Variants in PRKG1 observed in about 807,000 individuals in gnomAD.
The protein encoded by PRKG1 is cGMP-dependent protein kinase 1.
PRKG1 carries 35 observed loss-of-function variants against 88.1 expected under a neutral mutation model. The ratio of observed to expected loss-of-function variants is 0.40; its 90% CI spans 0.30 to 0.53. The LOEUF is 0.53. Ranked by LOEUF, PRKG1 falls within the 20% of genes least tolerant of loss-of-function variation. The pLI, the probability that PRKG1 is intolerant of heterozygous loss-of-function variation, is 0.59. For synonymous variants in PRKG1, 303 were observed against 292.5 expected (o/e 1.04, Z -0.37); for missense variants, 540 against 839.8 (o/e 0.64, Z 4.41).
chr10:52,171,162 G>A (rs61847298), intron 9 of PRKG1, among the ~76,000 whole-genome samples: 7,630 of 141,672 alleles, frequency 0.054, 443 homozygotes, highest in East Asian at 0.31. Context: ...TTTTTTGCCT[G>A]ACATTTTCAA....
At chr10:51,430,923 C>T (rs1228682044) in intron 2 of PRKG1, among the ~76,000 whole-genome samples, 3 of 152,134 alleles carry the variant, frequency 2.0e-5, no homozygotes, top group Non-Finnish European at 4.4e-5. Flanking sequence ...ATGGTTGCCT[C>T]GGGCAGAGAA....
At chr10:51,620,085 C>A (rs564289584) in intron 3 of PRKG1, among the ~76,000 whole-genome samples, 2 of 152,138 alleles carry the variant, frequency 1.3e-5, no homozygotes, top group Admixed American at 1.3e-4. Flanking sequence ...CTGTTTTCCC[C>A]CTTACACCTC....
intron 1 of PRKG1, among the ~76,000 whole-genome samples, chr10:51,025,386 C>G (rs1357278051): frequency 2.0e-5 from 3 of 152,152 alleles, no homozygotes; most frequent in Admixed American, 6.6e-5. Flanking sequence ...CTGAATTTAA[C>G]TGGCTGGTCC....
At chr10:52,101,609 T>C (rs557202995) in intron 7 of PRKG1, among the ~76,000 whole-genome samples, 5 of 152,200 alleles carry the variant, frequency 3.3e-5, no homozygotes, top group Non-Finnish European at 7.4e-5. Context: ...CTTATCTAAA[T>C]AATTCATGTG....
intron 2 of PRKG1, among the ~76,000 whole-genome samples, chr10:51,401,820 T>C (rs1047787208): frequency 2.0e-5 from 3 of 152,218 alleles, no homozygotes; most frequent in African/African-American, 7.2e-5. Context: ...CTCTAGGTTT[T>C]CTTTCTATAT....
chr10:51,895,497 G>A (rs1018041750), intron 4 of PRKG1, among the ~76,000 whole-genome samples: 3 of 152,120 alleles, frequency 2.0e-5, no homozygotes, highest in Non-Finnish European at 4.4e-5. Context: ...CCATGTCTGA[G>A]CATTGGCCAA....
At chr10:51,056,601 A>G (rs529629496) in intron 1 of PRKG1, among the ~76,000 whole-genome samples, 1 of 152,236 alleles carries the variant, frequency 6.6e-6, no homozygotes, top group African/African-American at 2.4e-5. Context: ...TCAGTATCCA[A>G]TTCATTTGAC....
At chr10:51,037,330 A>G (rs1843364846) in intron 1 of PRKG1, among the ~76,000 whole-genome samples, 1 of 151,896 alleles carries the variant, frequency 6.6e-6, no homozygotes, top group Admixed American at 6.6e-5. Context: ...TTAGTATGGC[A>G]TCCTTGGGCA....
chr10:51,888,718 T>C (rs913011492), intron 4 of PRKG1, among the ~76,000 whole-genome samples: 16 of 152,340 alleles, frequency 1.1e-4, no homozygotes, highest in African/African-American at 3.6e-4. Context: ...GTCCAGGTTT[T>C]GCCACTTAGA....
rs914407926 is a variant in PRKG1 at position 51,746,823 on chromosome 10, T to C, written c.593-57762T>C. On this transcript the variant is annotated intron_variant, in intron 3 of 17. Transcript: ENST00000373980. ...CTCCATCATGAAAGGGGCCAGCACA[T>C]TGGCAGTCATTCCTCTTCCTCTCTC... Among the ~76,000 whole-genome samples, 4 of 151,816 alleles carry C rather than the reference T, an allele frequency of 2.6e-5. No individual in the cohort carries two copies. In the East Asian group the frequency reaches 5.8e-4, roughly 22 times the overall value.
intron 3 of PRKG1, among the ~76,000 whole-genome samples, chr10:51,531,992 T>A (rs1842030717): frequency 6.6e-6 from 1 of 152,138 alleles, no homozygotes; most frequent in Non-Finnish European, 1.5e-5. Flanking sequence ...TTTCTGCTAG[T>A]CCCAGTCTGC....
chr10:51,262,490 C>G (rs1434028108), intron 2 of PRKG1, among the ~76,000 whole-genome samples: 1 of 151,724 alleles, frequency 6.6e-6, no homozygotes, highest in Non-Finnish European at 1.5e-5. Flanking sequence ...CCTGAATCTC[C>G]ATTTCCCTTA....
chr10:51,338,007 C>T (rs1841919205), intron 2 of PRKG1, among the ~76,000 whole-genome samples: 2 of 152,202 alleles, frequency 1.3e-5, no homozygotes, highest in Non-Finnish European at 2.9e-5. Context: ...CTCAAATACC[C>T]ATCAAAGATA....
chr10:51,967,068 C>G (rs190465158), intron 5 of PRKG1, among the ~76,000 whole-genome samples: 10 of 152,002 alleles, frequency 6.6e-5, no homozygotes, highest in Admixed American at 2.0e-4. Flanking sequence ...GGGTATATAC[C>G]CAAAGGATTA....
chr10:52,022,771 A>G (rs1845219891), intron 5 of PRKG1, among the ~76,000 whole-genome samples: 1 of 152,226 alleles, frequency 6.6e-6, no homozygotes, highest in Non-Finnish European at 1.5e-5. Flanking sequence ...GGAGCATGAC[A>G]TATACAAAGT....
At chr10:51,268,752 G>A (rs1201052781) in intron 2 of PRKG1, among the ~76,000 whole-genome samples, 7 of 152,178 alleles carry the variant, frequency 4.6e-5, no homozygotes, top group South Asian at 4.1e-4. Flanking sequence ...CGAAAATGAC[G>A]GGATTAAGAG....
intron 3 of PRKG1, among the ~76,000 whole-genome samples, chr10:51,737,323 A>G (rs145248713): frequency 1.2e-3 from 186 of 152,330 alleles, no homozygotes; most frequent in Non-Finnish European, 1.9e-3. Flanking sequence ...TCATGGTATG[A>G]TTCTAAAGAG....
chr10:51,618,305 A>T (rs751106866), intron 3 of PRKG1, among the ~76,000 whole-genome samples: 4 of 152,178 alleles, frequency 2.6e-5, no homozygotes, highest in Non-Finnish European at 5.9e-5. Context: ...TGGTCCAGAA[A>T]ATTATATATG....
At chr10:51,656,074 T>A (rs897330650) in intron 3 of PRKG1, among the ~76,000 whole-genome samples, 2 of 152,146 alleles carry the variant, frequency 1.3e-5, no homozygotes, top group Non-Finnish European at 2.9e-5. Context: ...GTTTGAGATG[T>A]ACAAGAAAAG....
Sources: allele counts gnomAD v4.1 joint callset (sites outside exome capture counted in the v4.1 genomes callset), GRCh38; gene constraint gnomAD v4.1.1; transcripts MANE v1.5; gene names NCBI Gene and HGNC (gene_info 2026-07-23, HGNC 2026-07-21).